Variants in RPTOR observed in about 807,000 individuals in gnomAD.
RPTOR encodes regulatory associated protein of MTOR complex 1.
A neutral mutation model predicts 169.9 loss-of-function variants in RPTOR; 21 were observed. That is an observed-to-expected ratio of 0.12 (90% confidence interval 0.09 to 0.18). The LOEUF (loss-of-function observed/expected upper bound fraction) is 0.18. Ranked by LOEUF, RPTOR falls within the 10% of genes least tolerant of loss-of-function variation. The probability of loss-of-function intolerance (pLI) is 1.00; values close to 1 mark genes in which losing one functional copy is unlikely to be tolerated. For synonymous variants in RPTOR, 732 were observed against 753.2 expected (o/e 0.97, Z 0.46); for missense variants, 1,133 against 1,855.9 (o/e 0.61, Z 7.16).
In RPTOR at chr17:80,844,103, C is replaced by T. The variant is rs1057146987; in HGVS notation, c.1213-2370C>T. ...TGGAGAAAATCTCAGAGATTTGGCC[C>T]AAAACATCAGCCCTGTGAATCATGG... On this transcript the variant is annotated intron_variant, in intron 10 of 33. Transcript: ENST00000306801. The surrounding 1 kb of genome is among the most constrained non-coding windows in gnomAD (Gnocchi z 4.7). Among the ~76,000 whole-genome samples, 6 of 152,090 alleles carry T rather than the reference C, an allele frequency of 3.9e-5. No individual in the cohort carries two copies.
At position 80,922,730 on chromosome 17, in the gene RPTOR, G is replaced by A. The variant is rs368832014; in HGVS notation, c.2527G>A (p.Val843Met). Residue 843 changes from valine to methionine, a missense_variant, in exon 22 of 34, where the codon GTG becomes ATG. Transcript: ENST00000306801. ...CCCATTCCTTTGCCCCTAGGCCACC[G>A]TGAACGCCCGGCCGCAGCGCGTCCT... ...VLNSIAYKATVNARPQRVLDT... is the reference protein window; with the variant it reads ...VLNSIAYKATMNARPQRVLDT... The A allele has an allele frequency of 1.2e-4, 185 of 1,586,182 alleles. 1 individual carries two copies. Among genetic ancestry groups the A allele is most frequent in the Non-Finnish European group, 1.4e-4 (160 of 1,169,956 alleles).
At chr17:80,937,877 C>T (rs1032427890) in intron 24 of RPTOR, among the ~76,000 whole-genome samples, 2 of 152,216 alleles carry the variant, frequency 1.3e-5, no homozygotes, top group Non-Finnish European at 2.9e-5. Context: ...TGCCTCACGC[C>T]GCACCTCCAC....
At chr17:80,849,188 C>T (rs904693530) in intron 11 of RPTOR, among the ~76,000 whole-genome samples, 2 of 152,218 alleles carry the variant, frequency 1.3e-5, no homozygotes, top group African/African-American at 2.4e-5. Flanking sequence ...AGCCTGGGCC[C>T]TGTTATCCTT....
At chr17:80,674,822 A>C (rs1020707448) in intron 3 of RPTOR, among the ~76,000 whole-genome samples, 9 of 143,150 alleles carry the variant, frequency 6.3e-5, no homozygotes, top group African/African-American at 1.9e-4. Flanking sequence ...AAAAAAAAAA[A>C]AAACAACTTC....
In RPTOR at chr17:80,873,889, G is replaced by C. The variant is rs544796347; in HGVS notation, c.1510-6526G>C. Among the ~76,000 whole-genome samples the C allele has an allele frequency of 4.5e-4, 68 of 152,276 alleles. 1 individual carries two copies. Among genetic ancestry groups the C allele is most frequent in the Admixed American group, 2.2e-3 (33 of 15,306 alleles). On this transcript the variant is annotated intron_variant, in intron 13 of 33. Transcript: ENST00000306801. ...CGTCAGGCCCGGCAGGACAGCACTC[G>C]GTCTGTGCTGGGGAAGTCGTGCAGA...
intron 10 of RPTOR, among the ~76,000 whole-genome samples, chr17:80,841,717 C>T (rs1299244259): frequency 7.1e-6 from 1 of 141,536 alleles, no homozygotes; most frequent in Non-Finnish European, 1.5e-5. Context: ...CACGGCAGCT[C>T]ACTCTCACCA....
At chr17:80,665,933 G>A (rs769525515) in intron 3 of RPTOR, among the ~76,000 whole-genome samples, 10 of 152,146 alleles carry the variant, frequency 6.6e-5, no homozygotes, top group Admixed American at 5.2e-4. Flanking sequence ...TGTTTGTCTC[G>A]TAACCCTGGA....
chr17:80,690,374 ATGCAAG>A (rs1398062546), intron 3 of RPTOR, among the ~76,000 whole-genome samples: 1 of 152,166 alleles, frequency 6.6e-6, no homozygotes, highest in Non-Finnish European at 1.5e-5. Flanking sequence ...TTGAATCAGG[ATGCAAG>A]TGAGATGAAT....
At chr17:80,571,099 C>T (rs2076677670) in intron 1 of RPTOR, among the ~76,000 whole-genome samples, 1 of 152,082 alleles carries the variant, frequency 6.6e-6, no homozygotes, top group African/African-American at 2.4e-5. Context: ...GGATAAAATC[C>T]TCCCCTGTTT....
At chr17:80,770,609 A>G (rs527349840) in intron 6 of RPTOR, among the ~76,000 whole-genome samples, 8 of 152,298 alleles carry the variant, frequency 5.3e-5, no homozygotes, top group African/African-American at 1.9e-4. Flanking sequence ...GGACAACGAT[A>G]TCATCAGTTG....
chr17:80,564,772 A>G (rs1256052319), intron 1 of RPTOR, among the ~76,000 whole-genome samples: 1 of 151,612 alleles, frequency 6.6e-6, no homozygotes, highest in East Asian at 1.9e-4. Flanking sequence ...AGTAGGCCCC[A>G]GTGTGTGTTG....
chr17:80,965,168 G>A lies in RPTOR; in HGVS notation c.*838G>A, dbSNP rs746155584. ...AAGGGCTGCTCTTCCCCACAGGCGC[G>A]GGGACAGCAGCCCGACCTGTGGTCT... On this transcript the variant is annotated 3_prime_UTR_variant, in exon 34 of 34. Coordinates refer to ENST00000306801, the MANE Select transcript of RPTOR (RefSeq NM_020761.3). 16 of 233,316 alleles carry A rather than the reference G, an allele frequency of 6.9e-5. No homozygotes were observed. Among genetic ancestry groups the A allele is most frequent in the Admixed American group, 1.7e-4 (3 of 17,808 alleles). 14.5% of individuals were successfully genotyped at this position (233,316 alleles called of 1,614,324 possible).
intron 5 of RPTOR, among the ~76,000 whole-genome samples, chr17:80,740,634 A>T (rs1327479316): frequency 6.6e-6 from 1 of 152,212 alleles, no homozygotes; most frequent in East Asian, 1.9e-4. Flanking sequence ...AAATTAATTA[A>T]TGTACTTCAT....
At chr17:80,791,615 TCCCTTTCATGTG>T in intron 7 of RPTOR, 106 bp downstream of exon 7, 1 of 932,134 alleles carries the variant, frequency 1.1e-6, no homozygotes, top group Non-Finnish European at 1.6e-6. Context: ...CATGGCATGT[TCCCTTTCATGTG>T]GCTGTGTTCT....
chr17:80,894,365 C>T (rs2068372091), intron 20 of RPTOR, among the ~76,000 whole-genome samples: 1 of 152,202 alleles, frequency 6.6e-6, no homozygotes, highest in South Asian at 2.1e-4. Context: ...GAGGGCCCTG[C>T]GGTCGGGCTG....
chr17:80,713,499 G>A (rs188465680), intron 4 of RPTOR, among the ~76,000 whole-genome samples: 41 of 152,052 alleles, frequency 2.7e-4, no homozygotes, highest in Admixed American at 2.2e-3. Context: ...TAATTTCTTC[G>A]CTTTTTCACA....
Position 80,936,187 on chromosome 17 carries a change from G to T in RPTOR, c.2920-4309G>T, listed in dbSNP as rs571752538. Among the ~76,000 whole-genome samples the T allele has an allele frequency of 6.6e-6, 1 of 152,128 alleles. No individual in the cohort carries two copies. Among genetic ancestry groups the T allele is most frequent in the East Asian group, 1.9e-4 (1 of 5,200 alleles). ...CACTACACACCTGTTAGAATGTCTC[G>T]AATCTTAAAATCTACCAAGTGTTGG... On this transcript the variant is annotated intron_variant, in intron 24 of 33. Coordinates refer to ENST00000306801, the MANE Select transcript of RPTOR (RefSeq NM_020761.3). The surrounding 1 kb of genome is among the most constrained non-coding windows in gnomAD (Gnocchi z 4.1).
intron 6 of RPTOR, among the ~76,000 whole-genome samples, chr17:80,776,620 G>A (rs760693206): frequency 2.6e-5 from 4 of 152,080 alleles, no homozygotes; most frequent in Admixed American, 6.5e-5. Flanking sequence ...CACTGTGCCC[G>A]GCGCTGCCAA....
At chr17:80,714,745 G>T (rs115148337) in intron 4 of RPTOR, among the ~76,000 whole-genome samples, 23,427 of 151,862 alleles carry the variant, frequency 0.15, 2,612 homozygotes, top group African/African-American at 0.32. Flanking sequence ...TTTTTGAAAC[G>T]GAGTCTCTCG....
Sources: gnomAD v4.1 joint callset for allele counts (sites outside exome capture counted in the v4.1 genomes callset) on GRCh38, gnomAD v4.1.1 for gene constraint, Gnocchi (gnomAD v3.1) non-coding constraint, MANE v1.5 for transcripts, NCBI Gene and HGNC (gene_info 2026-07-23, HGNC 2026-07-21) for gene names.